The following EYA1 variants were observed in gnomAD, a reference collection of about 807,000 sequenced individuals.
EYA1 encodes EYA transcriptional coactivator and phosphatase 1.
In EYA1, 16 loss-of-function variants were observed where a neutral mutation model predicts 82.0. The observed-to-expected ratio is 0.20, with a 90% CI of 0.13 to 0.30. The LOEUF (loss-of-function observed/expected upper bound fraction) is 0.30. EYA1 is among the 10% of genes least tolerant of loss of function. EYA1 has a pLI of 1.00. For synonymous variants in EYA1, 261 were observed against 264.4 expected (o/e 0.99, Z 0.12); for missense variants, 633 against 730.7 (o/e 0.87, Z 1.54).
intron 12 of EYA1, among the ~76,000 whole-genome samples, chr8:71,228,558 T>C (rs939078999): frequency 6.6e-6 from 1 of 152,202 alleles, no homozygotes; most frequent in Admixed American, 6.5e-5. Flanking sequence ...ATGCTTTGGT[T>C]GTTTATATGT....
intron 2 of EYA1, among the ~76,000 whole-genome samples, chr8:71,428,992 C>T (rs1419832614): frequency 6.6e-6 from 1 of 152,036 alleles, no homozygotes; most frequent in Non-Finnish European, 1.5e-5. Context: ...GCAGAGAGGC[C>T]CAGGAAAACA....
At chr8:71,370,104 T>G (rs1827994470) in intron 2 of EYA1, among the ~76,000 whole-genome samples, 1 of 152,104 alleles carries the variant, frequency 6.6e-6, no homozygotes, top group African/African-American at 2.4e-5. Context: ...ACTGTTATCT[T>G]AATACTGGTT....
intron 9 of EYA1, among the ~76,000 whole-genome samples, chr8:71,278,605 A>G (rs540603212): frequency 6.6e-6 from 1 of 152,318 alleles, no homozygotes. Context: ...ATATTCCTTT[A>G]TTGATTTATA....
At chr8:71,330,165 C>T (rs975656086) in intron 4 of EYA1, among the ~76,000 whole-genome samples, 3 of 152,096 alleles carry the variant, frequency 2.0e-5, no homozygotes, top group Non-Finnish European at 4.4e-5. Flanking sequence ...GGCTTTTACC[C>T]GTAGAGCCGA....
At chr8:71,206,322 G>A (rs1206958396) in intron 17 of EYA1, among the ~76,000 whole-genome samples, 2 of 151,918 alleles carry the variant, frequency 1.3e-5, no homozygotes, top group Admixed American at 6.6e-5. Flanking sequence ...CTGAGGCTCA[G>A]GTGATCCTCA....
rs576824698 is a variant in EYA1, at chr8:71,302,271, A to G, written c.557-2551T>C. Among the ~76,000 whole-genome samples the G allele has an allele frequency of 2.6e-5, 4 of 152,338 alleles. No homozygotes were observed. The East Asian group carries it at 7.7e-4, about 29-fold the overall frequency. On this transcript the variant is annotated intron_variant, in intron 7 of 17. Coordinates refer to ENST00000340726, the MANE Select transcript of EYA1 (RefSeq NM_000503.6). ...ATCCCTATCCACCAAGAAAATGAAT[A>G]AGATATAGAAAATATATTTTTAAAA...
chr8:71,384,679 G>A (rs1288607501), intron 2 of EYA1, among the ~76,000 whole-genome samples: 1 of 152,194 alleles, frequency 6.6e-6, no homozygotes, highest in Non-Finnish European at 1.5e-5. Flanking sequence ...GCAGTTGTTA[G>A]AAATAAATGC....
intron 12 of EYA1, among the ~76,000 whole-genome samples, chr8:71,232,673 TTTTTC>T (rs1476713685): frequency 4.1e-4 from 62 of 151,830 alleles, no homozygotes; most frequent in African/African-American, 1.2e-3. Flanking sequence ...TGTTTTTTCT[TTTTTC>T]TTTTCTTTTT....
intron 2 of EYA1, among the ~76,000 whole-genome samples, chr8:71,463,427 T>G (rs1026070625): frequency 6.6e-6 from 1 of 152,208 alleles, no homozygotes. Context: ...ACCACCCCAG[T>G]GAAATGCTGA....
rs186783024 is a variant in EYA1 at position 71,323,360 on chromosome 8, T to C, written c.203-1092A>G. ...CGGAGGCTCTATTATTTATTAATTC[T>C]ATTCTACACTAAAATCCTTTTAGGA... On this transcript the variant is annotated intron_variant, in intron 4 of 17. Transcript: ENST00000340726. 2.0e-5 allele frequency among the ~76,000 whole-genome samples: 3 copies of C among 152,348 alleles called. No individual in the cohort carries two copies. The East Asian group carries it at 5.8e-4, about 29-fold the overall frequency.
At chr8:71,340,364 T>A (rs563422701) in intron 3 of EYA1, among the ~76,000 whole-genome samples, 1 of 152,342 alleles carries the variant, frequency 6.6e-6, no homozygotes, top group African/African-American at 2.4e-5. Context: ...CTCATCTAGT[T>A]GTCCCAACTT....
At chr8:71,255,222 A>AT (rs1248871146) in intron 11 of EYA1, among the ~76,000 whole-genome samples, 1 of 152,148 alleles carries the variant, frequency 6.6e-6, no homozygotes, top group Non-Finnish European at 1.5e-5. Context: ...CCCCAATAGT[A>AT]TTTTTTTGCA....
chr8:71,468,171 T>A (rs957812134), intron 2 of EYA1, among the ~76,000 whole-genome samples: 3 of 152,180 alleles, frequency 2.0e-5, no homozygotes, highest in African/African-American at 7.2e-5. Context: ...CCATGAGATT[T>A]ATTATTAGAA....
At chr8:71,493,078 T>C (rs1160247644) in intron 2 of EYA1, among the ~76,000 whole-genome samples, 1 of 152,238 alleles carries the variant, frequency 6.6e-6, no homozygotes, top group Non-Finnish European at 1.5e-5. Flanking sequence ...TCCATGTTCC[T>C]GCAAAGGACA....
chr8:71,540,852 A>G (rs1164906812), intron 1 of EYA1, among the ~76,000 whole-genome samples: 1 of 152,180 alleles, frequency 6.6e-6, no homozygotes, highest in Non-Finnish European at 1.5e-5. Context: ...GAAACTAGTG[A>G]CTGAACATTG....
At chr8:71,300,268 T>G (rs1415137259) in intron 7 of EYA1, among the ~76,000 whole-genome samples, 1 of 152,194 alleles carries the variant, frequency 6.6e-6, no homozygotes, top group South Asian at 2.1e-4. Context: ...GATTAATGTT[T>G]TATCTGTTAC....
intron 2 of EYA1, among the ~76,000 whole-genome samples, chr8:71,502,309 C>T (rs969600852): frequency 1.3e-5 from 2 of 152,160 alleles, no homozygotes; most frequent in African/African-American, 4.8e-5. Context: ...ATAGTTTCCC[C>T]TCTCATTCTT....
intron 12 of EYA1, among the ~76,000 whole-genome samples, chr8:71,217,291 C>A (rs190660205): frequency 6.6e-6 from 1 of 152,318 alleles, no homozygotes; most frequent in Non-Finnish European, 1.5e-5. Context: ...TGATTGAAAA[C>A]AATTAGCATA....
intron 12 of EYA1, among the ~76,000 whole-genome samples, chr8:71,238,825 C>A (rs1294870970): frequency 6.6e-6 from 1 of 151,992 alleles, no homozygotes; most frequent in African/African-American, 2.4e-5. Context: ...TAGAATACTG[C>A]TGAATAATAG....
Sources: gnomAD v4.1 joint callset for allele counts (sites outside exome capture counted in the v4.1 genomes callset) on GRCh38, gnomAD v4.1.1 for gene constraint, MANE v1.5 for transcripts, NCBI Gene and HGNC (gene_info 2026-07-23, HGNC 2026-07-21) for gene names.